The following PLCB1 variants were observed in gnomAD, a reference collection of about 807,000 sequenced individuals.
PLCB1 encodes 1-phosphatidylinositol 4,5-bisphosphate phosphodiesterase beta-1.
A neutral mutation model predicts 161.8 loss-of-function variants in PLCB1; 46 were observed. The observed-to-expected ratio is 0.28, with a 90% CI of 0.22 to 0.36. The LOEUF (loss-of-function observed/expected upper bound fraction) is 0.36, where lower values mean the gene tolerates loss of function less well. Among genes scored for constraint, PLCB1 ranks in the 10% least tolerant of loss-of-function variants. The probability of loss-of-function intolerance (pLI) is 1.00; values close to 1 mark genes in which losing one functional copy is unlikely to be tolerated. For missense variants in PLCB1, 1,016 were observed against 1,472.5 expected (o/e 0.69, Z 5.07); for synonymous variants, 517 against 503.7 (o/e 1.03, Z -0.35).
chr20:8,831,944 T>G (rs372347588), intron 31 of PLCB1, among the ~76,000 whole-genome samples: 3 of 94,762 alleles, frequency 3.2e-5, no homozygotes, highest in Non-Finnish European at 6.7e-5. Context: ...CTTTCTTTCT[T>G]TCTTTCTTTC....
chr20:8,794,101 G>T (rs1983902648), intron 31 of PLCB1, among the ~76,000 whole-genome samples: 1 of 152,152 alleles, frequency 6.6e-6, no homozygotes, highest in South Asian at 2.1e-4. Flanking sequence ...CATTGCTGTT[G>T]TCTTGGTCTT....
At chr20:8,795,087 T>C (rs1983951611) in intron 31 of PLCB1, among the ~76,000 whole-genome samples, 1 of 152,204 alleles carries the variant, frequency 6.6e-6, no homozygotes, top group Non-Finnish European at 1.5e-5. Context: ...ATTCTGCATG[T>C]GAGCTGGGAC....
chr20:8,314,658 G>C (rs901503137), intron 2 of PLCB1, among the ~76,000 whole-genome samples: 2 of 152,180 alleles, frequency 1.3e-5, no homozygotes, highest in Non-Finnish European at 2.9e-5. Context: ...TTGGCCCATA[G>C]TAAGCACTGA....
intron 23 of PLCB1, among the ~76,000 whole-genome samples, chr20:8,753,303 AT>A (rs1981578360): frequency 6.6e-6 from 1 of 152,136 alleles, no homozygotes. Flanking sequence ...TACTGAAACC[AT>A]CCCCTCAATA....
intron 1 of PLCB1, among the ~76,000 whole-genome samples, chr20:8,136,523 G>A (rs981797572): frequency 2.0e-5 from 3 of 151,978 alleles, no homozygotes; most frequent in Non-Finnish European, 4.4e-5. Context: ...CTGCTCGGGA[G>A]GCTGAGGCAG....
intron 9 of PLCB1, among the ~76,000 whole-genome samples, chr20:8,677,424 C>T (rs6077405): frequency 0.38 from 57,440 of 151,906 alleles, 11,425 homozygotes; most frequent in Admixed American, 0.43. Flanking sequence ...GTTTAAAATC[C>T]GGACAAATAA....
chr20:8,750,773 G>A lies in PLCB1; in HGVS notation c.2524-6273G>A, dbSNP rs6086578. On this transcript the variant is annotated intron_variant, in intron 23 of 31. Transcript: ENST00000338037. ...TAAGGGAAAGGCTGGCTCTAACAAA[G>A]CTACTTTCTGACAATATTTGTCCTG... is the stretch of plus-strand genomic sequence containing the variant. The A allele has an allele frequency of 6.0e-6, 7 of 1,165,670 alleles. No homozygotes were observed. In the Admixed American group the frequency reaches 1.4e-4, roughly 24 times the overall value. The allele number at this position is 1,165,670 out of a possible 1,614,324, so 72.2% of individuals were successfully genotyped here. A position where few individuals can be genotyped will look rare whatever the true frequency, so the allele number is the denominator to read the frequency against.
chr20:8,737,456 A>C (rs1169422360), intron 20 of PLCB1, among the ~76,000 whole-genome samples: 1 of 152,230 alleles, frequency 6.6e-6, no homozygotes, highest in Non-Finnish European at 1.5e-5. Flanking sequence ...AACTCATATC[A>C]TCTGATAGTA....
At chr20:8,364,746 A>G (rs922050894) in intron 2 of PLCB1, among the ~76,000 whole-genome samples, 3 of 152,238 alleles carry the variant, frequency 2.0e-5, no homozygotes, top group Middle Eastern at 3.2e-3. Flanking sequence ...GTGAAACCCC[A>G]TGTCAATTGA....
chr20:8,756,881 T>G (rs898561272), intron 23 of PLCB1, among the ~76,000 whole-genome samples, 165 bp from the exon 24 acceptor site: 3 of 152,210 alleles, frequency 2.0e-5, no homozygotes, highest in African/African-American at 7.2e-5. Context: ...TAGTCATGGC[T>G]CAACACTATG....
At chr20:8,160,444 T>G (rs2051610693) in intron 2 of PLCB1, among the ~76,000 whole-genome samples, 1 of 152,104 alleles carries the variant, frequency 6.6e-6, no homozygotes, top group Non-Finnish European at 1.5e-5. Context: ...GGACAATTTA[T>G]AAAAGAAAGA....
At chr20:8,700,547 C>A (rs143798592) in intron 11 of PLCB1, among the ~76,000 whole-genome samples, 1 of 152,184 alleles carries the variant, frequency 6.6e-6, no homozygotes, top group Admixed American at 6.5e-5. Flanking sequence ...TTCTCAACCA[C>A]GTCCATACAC....
intron 10 of PLCB1, among the ~76,000 whole-genome samples, chr20:8,692,402 A>G (rs1990498956): frequency 6.6e-6 from 1 of 152,204 alleles, no homozygotes; most frequent in African/African-American, 2.4e-5. Flanking sequence ...CTAAAAAGTC[A>G]GGTGGTAGAA....
chr20:8,426,858 T>C (rs1253723173), intron 3 of PLCB1, among the ~76,000 whole-genome samples: 1 of 152,134 alleles, frequency 6.6e-6, no homozygotes, highest in Non-Finnish European at 1.5e-5. Context: ...TTTCAGGACA[T>C]AGAAAAGAAA....
chr20:8,402,775 G>A (rs770365177), intron 3 of PLCB1, among the ~76,000 whole-genome samples: 4 of 151,926 alleles, frequency 2.6e-5, no homozygotes, highest in Non-Finnish European at 4.4e-5. Flanking sequence ...AACCTGGGAG[G>A]CGGAGCTTGC....
intron 3 of PLCB1, among the ~76,000 whole-genome samples, chr20:8,405,454 G>T (rs1471284343): frequency 6.6e-6 from 1 of 152,110 alleles, no homozygotes; most frequent in Admixed American, 6.6e-5. Flanking sequence ...ACATGCTTTC[G>T]CCCAAAGCAA....
intron 2 of PLCB1, among the ~76,000 whole-genome samples, chr20:8,253,780 C>T (rs1229780239): frequency 1.3e-5 from 2 of 151,904 alleles, no homozygotes; most frequent in Admixed American, 1.3e-4. Flanking sequence ...CCTCCCTCCC[C>T]ACTCTAGTAT....
intron 31 of PLCB1, among the ~76,000 whole-genome samples, chr20:8,864,959 A>G (rs999807327): frequency 2.6e-5 from 4 of 152,224 alleles, no homozygotes; most frequent in African/African-American, 7.2e-5. Context: ...GGAAGGAGAA[A>G]GTAAGATTTA....
intron 9 of PLCB1, among the ~76,000 whole-genome samples, chr20:8,681,176 G>A (rs984927552): frequency 5.5e-5 from 8 of 144,460 alleles, no homozygotes; most frequent in African/African-American, 7.6e-5. Flanking sequence ...GACAACTTCC[G>A]GATTAAATAA....
Sources: gnomAD v4.1 joint callset for allele counts (sites outside exome capture counted in the v4.1 genomes callset) on GRCh38, gnomAD v4.1.1 for gene constraint, MANE v1.5 for transcripts, NCBI Gene and HGNC (gene_info 2026-07-23, HGNC 2026-07-21) for gene names.